SHFL: variants seen among roughly 807,000 people sequenced by gnomAD.
SHFL encodes shiftless antiviral inhibitor of ribosomal frameshifting protein.
A neutral mutation model predicts 34.7 loss-of-function variants in SHFL; 12 were observed. The ratio of observed to expected loss-of-function variants is 0.35; its 90% CI spans 0.22 to 0.56. SHFL has a LOEUF of 0.56. Among genes scored for constraint, SHFL ranks in the 20% least tolerant of loss-of-function variants. SHFL has a pLI of 0.88. For missense variants in SHFL, 278 were observed against 411.1 expected (o/e 0.68, Z 2.80); for synonymous variants, 148 against 156.0 (o/e 0.95, Z 0.38).
chr19:10,086,807 G>GA lies in SHFL; in HGVS notation c.22-122_22-121insA, dbSNP rs888581189. 1.5e-5 allele frequency: 18 copies of GA among 1,194,888 alleles called. No individual in the cohort carries two copies. Among genetic ancestry groups the GA allele is most frequent in the South Asian group, 3.0e-5 (2 of 66,408 alleles). The allele number at this position is 1,194,888 out of a possible 1,614,324, so 74.0% of individuals were successfully genotyped here. On this transcript the variant is annotated intron_variant, in intron 1 of 7. Transcript: ENST00000253110. This position sits in a 1 kb window ranked among gnomAD's most constrained non-coding sequence, Gnocchi z 5.2. ...ATGCCGTAAAGGGATGAAAGGCGGG[G>GA]GGGGGGCGGCGGAGGCCAAAACCAA...
chr19:10,088,430 G>C lies in SHFL; in HGVS notation c.195+1130G>C, dbSNP rs189184260. Among the ~76,000 whole-genome samples the C allele has an allele frequency of 2.1e-3, 315 of 149,778 alleles. 1 individual carries two copies. The highest frequency in any genetic ancestry group is 2.9e-3 in the Non-Finnish European group (193 of 67,566). ...ATACGAAAAAAAAAATTAGCCAGTT[G>C]TGCTGGCAGGCCCCTGTAGTCCCAG... On this transcript the variant is annotated intron_variant, in intron 3 of 7. Transcript: ENST00000253110.
rs1272699835 is a variant in SHFL at position 10,092,285 on chromosome 19, G to A, written c.859G>A (p.Gly287Ser). 1.3e-6 allele frequency: 2 copies of A among 1,582,500 alleles called. No homozygotes were observed. Among genetic ancestry groups the A allele is most frequent in the Non-Finnish European group, 1.7e-6 (2 of 1,164,678 alleles). The change falls in exon 8 of 8, where the codon GGC (glycine) becomes AGC (serine). Residue 287 changes from glycine to serine, a missense_variant. By Grantham distance (56) the Gly-to-Ser change is moderately conservative. Around this residue, in one of 2 missense-constraint regions of SHFL, gnomAD observed 35 missense variants for 24.9 expected, o/e 1.41. Coordinates refer to ENST00000253110, the MANE Select transcript of SHFL (RefSeq NM_018381.4). Reference sequence around the variant, plus strand: ...AGAGGAGGAGGTGGAGGACGAGGAGGGCGGGCCCAGGGAGTGACCCCTGCC... The same window carrying A: ...AGAGGAGGAGGTGGAGGACGAGGAGAGCGGGCCCAGGGAGTGACCCCTGCC... ...EEEEEVEDEE[G>S]GPRE is the part of the protein sequence containing the mutation.
At chr19:10,090,283 C>A in intron 5 of SHFL, 1 of 551,742 alleles carries the variant, frequency 1.8e-6, no homozygotes, top group Non-Finnish European at 3.3e-6. Flanking sequence ...ACCCTTGACC[C>A]ACAATTGAAC....
intron 2 of SHFL, 68 bp from the exon 3 acceptor site, chr19:10,087,183 C>A: frequency 6.2e-7 from 1 of 1,606,808 alleles, no homozygotes; most frequent in South Asian, 1.1e-5. Flanking sequence ...TGCGTCGCGG[C>A]TCTGGGTGGC....
At position 10,091,333 on chromosome 19, in the gene SHFL, G is replaced by T; in HGVS notation, c.468G>T (p.Pro156=). ...KMWGLAEFHC[P]KCRHNFRGWA... The stretch of plus-strand genomic sequence containing the variant: ...GGGGCCTGGCTGAGTTCCACTGCCC[G>T]AAGTGTCGGCACAACTTCCGGTGAG... Residue 156 remains proline, a synonymous_variant, in exon 6 of 8, where the codon CCG becomes CCT. Coordinates refer to ENST00000253110, the MANE Select transcript of SHFL (RefSeq NM_018381.4). The surrounding 1 kb of genome is among the most constrained non-coding windows in gnomAD (Gnocchi z 8.2). 6.2e-7 allele frequency: 1 copy of T among 1,613,686 alleles called. No homozygotes were observed. Among genetic ancestry groups the T allele is most frequent in the Non-Finnish European group, 8.5e-7 (1 of 1,179,762 alleles).
At chr19:10,087,089 C>G (rs751951044) in intron 2 of SHFL, 37 bp downstream of exon 2, 16 of 1,599,738 alleles carry the variant, frequency 1.0e-5, no homozygotes, top group Admixed American at 1.7e-5. Flanking sequence ...GTGCGGGGAC[C>G]GCGCGTGGGA....
In SHFL at chr19:10,086,792, G is replaced by T; in HGVS notation, c.22-137G>T. On this transcript the variant is annotated intron_variant, in intron 1 of 7. Coordinates refer to ENST00000253110, the MANE Select transcript of SHFL (RefSeq NM_018381.4). The surrounding 1 kb of genome is among the most constrained non-coding windows in gnomAD (Gnocchi z 5.2). ...GGCTTTTTCCAGGAAATGCCGTAAA[G>T]GGATGAAAGGCGGGGGGGGGGCGGC... is the stretch of plus-strand genomic sequence containing the variant. 1 of 1,109,300 alleles carries T rather than the reference G, an allele frequency of 9.0e-7. No individual in the cohort carries two copies. Among genetic ancestry groups the T allele is most frequent in the Non-Finnish European group, 1.3e-6 (1 of 783,392 alleles). 68.7% of individuals were successfully genotyped at this position (1,109,300 alleles called of 1,614,324 possible). A position where few individuals can be genotyped will look rare whatever the true frequency, so the allele number is the denominator to read the frequency against.
chr19:10,093,155 A>G lies in SHFL; in HGVS notation c.*853A>G. 1.4e-6 allele frequency: 1 copy of G among 712,154 alleles called. No homozygotes were observed. The highest frequency in any genetic ancestry group is 2.2e-5 in the South Asian group (1 of 45,502). 44.1% of individuals were successfully genotyped at this position (712,154 alleles called of 1,614,324 possible). A position where few individuals can be genotyped will look rare whatever the true frequency, so the allele number is the denominator to read the frequency against. On this transcript the variant is annotated 3_prime_UTR_variant, in exon 8 of 8. Transcript: ENST00000253110. Reference sequence around the variant, plus strand: ...GTCTTGATTCTTTTTTTGCCTCATCAGAGAAGGAATCTGGACTCCCCATCC... The same window carrying G: ...GTCTTGATTCTTTTTTTGCCTCATCGGAGAAGGAATCTGGACTCCCCATCC...
rs1238755718 is a variant in SHFL at position 10,086,465 on chromosome 19, G to A, written c.21+17G>A. ...GGTGTGGAGGTAAGCGATGGCTACG[G>A]CTGGGCCGGGGTCAGCCGCGACAGA... On this transcript the variant is annotated intron_variant, in intron 1 of 7. Transcript: ENST00000253110. The surrounding 1 kb of genome is among the most constrained non-coding windows in gnomAD (Gnocchi z 5.2). 4 of 1,373,550 alleles carry A rather than the reference G, an allele frequency of 2.9e-6. No individual in the cohort carries two copies. The highest frequency in any genetic ancestry group is 3.8e-6 in the Non-Finnish European group (4 of 1,057,344). The allele number at this position is 1,373,550 out of a possible 1,614,324, so 85.1% of individuals were successfully genotyped here. A position where few individuals can be genotyped will look rare whatever the true frequency, so the allele number is the denominator to read the frequency against.
chr19:10,092,812 C>A lies in SHFL; in HGVS notation c.*510C>A. On this transcript the variant is annotated 3_prime_UTR_variant, in exon 8 of 8. Coordinates refer to ENST00000253110, the MANE Select transcript of SHFL (RefSeq NM_018381.4). ...GAGAGAGAGAGTCCATGTCCTCTCA[C>A]CAGAATAAAAGCCTCTACCTGCACC... The A allele has an allele frequency of 6.5e-7, 1 of 1,540,090 alleles. No homozygotes were observed. The highest frequency in any genetic ancestry group is 1.2e-5 in the South Asian group (1 of 81,854).
Position 10,086,857 on chromosome 19 carries a change from G to C in SHFL, c.22-72G>C, listed in dbSNP as rs868475159. ...AGGGTCAAGTTCGGGCCGGGAGAACGGTGCCTAGAGATGGGGGAGGGATGA... is the reference window on the plus strand; with the variant it reads ...AGGGTCAAGTTCGGGCCGGGAGAACCGTGCCTAGAGATGGGGGAGGGATGA... On this transcript the variant is annotated intron_variant, in intron 1 of 7. Coordinates refer to ENST00000253110, the MANE Select transcript of SHFL (RefSeq NM_018381.4). The surrounding 1 kb of genome is among the most constrained non-coding windows in gnomAD (Gnocchi z 5.2). 8 of 1,558,676 alleles carry C rather than the reference G, an allele frequency of 5.1e-6. 1 individual carries two copies. The highest frequency in any genetic ancestry group is 3.4e-4 in the Middle Eastern group (2 of 5,874).
intron 5 of SHFL, chr19:10,090,276 C>G: frequency 1.8e-6 from 1 of 568,076 alleles, no homozygotes; most frequent in Non-Finnish European, 3.1e-6. Context: ...GAACCTGACC[C>G]TTGACCCACA....
intron 2 of SHFL, 96 bp downstream of exon 2, chr19:10,087,148 G>A (rs2088301799): frequency 1.3e-6 from 2 of 1,589,060 alleles, no homozygotes; most frequent in South Asian, 1.1e-5. Context: ...CACCTCCCCC[G>A]GAGGTCCCAG....
rs754997113 is a variant in SHFL, at chr19:10,089,918, G to A, written c.255G>A (p.Leu85=). Residue 85 remains leucine, a synonymous_variant, in exon 5 of 8, where the codon CTG becomes CTA. Transcript: ENST00000253110. ...RDIQAVATSL[L]PLTEANLRMF... ...CACAGGCAGTGGCGACCTCCCTCCTGCCACTGACAGAAGCCAACCTACGCA... is the reference window on the plus strand; with the variant it reads ...CACAGGCAGTGGCGACCTCCCTCCTACCACTGACAGAAGCCAACCTACGCA... 2.9e-5 allele frequency: 46 copies of A among 1,611,978 alleles called. No homozygotes were observed. The South Asian group carries it at 3.9e-4, about 14-fold the overall frequency.
chr19:10,090,285 C>T, intron 5 of SHFL: 1 of 550,698 alleles, frequency 1.8e-6, no homozygotes. Flanking sequence ...CCTTGACCCA[C>T]AATTGAACAG....
At chr19:10,088,106 C>CA in intron 3 of SHFL, 1 of 150,234 alleles carries the variant, frequency 6.7e-6, no homozygotes. Flanking sequence ...CTAAAAAATA[C>CA]AAAATTAGCT....
In SHFL at chr19:10,091,759, C is replaced by A. The variant is rs2088394588; in HGVS notation, c.643+129C>A. 4 of 1,271,358 alleles carry A rather than the reference C, an allele frequency of 3.1e-6. No homozygotes were observed. Among genetic ancestry groups the A allele is most frequent in the African/African-American group, 3.0e-5 (2 of 66,308 alleles). 78.8% of individuals were successfully genotyped at this position (1,271,358 alleles called of 1,614,324 possible). On this transcript the variant is annotated intron_variant, in intron 7 of 7. Coordinates refer to ENST00000253110, the MANE Select transcript of SHFL (RefSeq NM_018381.4). This position sits in a 1 kb window ranked among gnomAD's most constrained non-coding sequence, Gnocchi z 8.2. ...CACTGCTTCCACATGGCCTCCATGACCCCCCAGTCTCCGTGGTCTTGCCCA... is the reference window on the plus strand; with the variant it reads ...CACTGCTTCCACATGGCCTCCATGAACCCCCAGTCTCCGTGGTCTTGCCCA...
At position 10,093,116 on chromosome 19, in the gene SHFL, T is replaced by G; in HGVS notation, c.*814T>G. On this transcript the variant is annotated 3_prime_UTR_variant, in exon 8 of 8. Transcript: ENST00000253110. ...AGTACTAGCTCTCACCCTCTGCCCT[T>G]TACTTGAACAGGAGTCTTGATTCTT... The G allele has an allele frequency of 1.8e-6, 1 of 570,020 alleles. No individual in the cohort carries two copies. 35.3% of individuals were successfully genotyped at this position (570,020 alleles called of 1,614,324 possible). A position where few individuals can be genotyped will look rare whatever the true frequency, so the allele number is the denominator to read the frequency against.
At position 10,086,585 on chromosome 19, in the gene SHFL, C is replaced by T; in HGVS notation, c.21+137C>T. 2 of 884,244 alleles carry T rather than the reference C, an allele frequency of 2.3e-6. No homozygotes were observed. 54.8% of individuals were successfully genotyped at this position (884,244 alleles called of 1,614,324 possible). A position where few individuals can be genotyped will look rare whatever the true frequency, so the allele number is the denominator to read the frequency against. On this transcript the variant is annotated intron_variant, in intron 1 of 7. Coordinates refer to ENST00000253110, the MANE Select transcript of SHFL (RefSeq NM_018381.4). This position sits in a 1 kb window ranked among gnomAD's most constrained non-coding sequence, Gnocchi z 5.2. ...GATCCTTACCCCTGCCTGGCGCTCGCCCCCCTTGAAAAGGAAAGTGACTCC... is the reference window on the plus strand; with the variant it reads ...GATCCTTACCCCTGCCTGGCGCTCGTCCCCCTTGAAAAGGAAAGTGACTCC...
Sources: gnomAD v4.1 joint callset for allele counts (sites outside exome capture counted in the v4.1 genomes callset) on GRCh38, gnomAD v4.1.1 for gene constraint, gnomAD v4.1.1 regional missense constraint, Gnocchi (gnomAD v3.1) non-coding constraint, MANE v1.5 for transcripts, NCBI Gene and HGNC (gene_info 2026-07-23, HGNC 2026-07-21) for gene names.